The following CNTNAP5 variants were observed in gnomAD, a reference collection of about 807,000 sequenced individuals.
The protein encoded by CNTNAP5 is contactin associated protein family member 5.
Under a neutral mutation model 150.2 loss-of-function variants are expected in CNTNAP5, and 72 were observed. The observed-to-expected ratio is 0.48, with a 90% confidence interval of 0.40 to 0.58. The LOEUF is 0.58. Among genes scored for constraint, CNTNAP5 ranks in the 20% least tolerant of loss-of-function variants. The pLI, the probability that CNTNAP5 is intolerant of heterozygous loss-of-function variation, is 0.00. For synonymous variants in CNTNAP5, 672 were observed against 619.8 expected (o/e 1.08, Z -1.25); for missense variants, 1,636 against 1,626.2 (o/e 1.01, Z -0.10).
intron 3 of CNTNAP5, among the ~76,000 whole-genome samples, chr2:124,393,136 A>G (rs893515894): frequency 3.9e-5 from 6 of 152,172 alleles, no homozygotes; most frequent in East Asian, 1.9e-4. Context: ...TTAGATTTGA[A>G]TCCCTGCCAA....
At chr2:124,415,775 C>T (rs186577461) in intron 3 of CNTNAP5, among the ~76,000 whole-genome samples, 28 of 152,186 alleles carry the variant, frequency 1.8e-4, no homozygotes, top group African/African-American at 4.1e-4. Context: ...GATGGTTATA[C>T]GACAACGTGA....
intron 19 of CNTNAP5, among the ~76,000 whole-genome samples, chr2:124,864,717 G>T (rs1297821731): frequency 6.6e-6 from 1 of 152,088 alleles, no homozygotes; most frequent in Non-Finnish European, 1.5e-5. Context: ...AACCAACAAG[G>T]AATAGCTAAC....
chr2:124,265,851 G>A (rs995510300), intron 3 of CNTNAP5, among the ~76,000 whole-genome samples: 1 of 151,614 alleles, frequency 6.6e-6, no homozygotes, highest in Non-Finnish European at 1.5e-5. Flanking sequence ...AAAAAACAGA[G>A]TCAGTCAGGT....
Position 124,817,144 on chromosome 2 carries a change from GA to G in CNTNAP5, c.3217+18831del, listed in dbSNP as rs537380636. Among the ~76,000 whole-genome samples, 30 of 152,118 alleles carry G rather than the reference GA, an allele frequency of 2.0e-4. No individual in the cohort carries two copies. The East Asian group carries it at 5.4e-3, about 27-fold the overall frequency. On this transcript the variant is annotated intron_variant, in intron 19 of 23. Coordinates refer to ENST00000682447, the MANE Select transcript of CNTNAP5 (RefSeq NM_001367498.1). Reference sequence around the variant, plus strand: ...TGATAAATCTCACAAAGTTAATGTTGAAAAAAACAGACTTAAGAAAGGCACA... The same window carrying G: ...TGATAAATCTCACAAAGTTAATGTTGAAAAAACAGACTTAAGAAAGGCACA...
intron 1 of CNTNAP5, among the ~76,000 whole-genome samples, chr2:124,124,010 A>C (rs1381370577): frequency 6.6e-6 from 1 of 152,210 alleles, no homozygotes; most frequent in Non-Finnish European, 1.5e-5. Context: ...CCTCCTCCAA[A>C]GTAATGCAAC....
At chr2:124,534,209 T>C (rs1023516040) in intron 10 of CNTNAP5, among the ~76,000 whole-genome samples, 7 of 152,104 alleles carry the variant, frequency 4.6e-5, no homozygotes, top group Admixed American at 3.9e-4. Context: ...TTAATGGGTT[T>C]GTTTTGGATA....
intron 21 of CNTNAP5, among the ~76,000 whole-genome samples, chr2:124,897,333 C>A (rs1183793448): frequency 4.0e-5 from 6 of 151,512 alleles, no homozygotes; most frequent in African/African-American, 1.5e-4. Context: ...TGCCTGAAAT[C>A]TTTGCTGGTC....
chr2:124,056,469 AAAAAAAAAG>A (rs1053423898), intron 1 of CNTNAP5, among the ~76,000 whole-genome samples: 6 of 200 alleles, frequency 0.03, no homozygotes, highest in Non-Finnish European at 0.25. Context: ...CTAAAAATAC[AAAAAAAAAG>A]AAAAAAAGAA....
At chr2:124,600,189 G>GT (rs35297517) in intron 11 of CNTNAP5, among the ~76,000 whole-genome samples, 58,463 of 150,404 alleles carry the variant, frequency 0.39, 12,449 homozygotes, top group Non-Finnish European at 0.49. Context: ...ATAGTAAATG[G>GT]TTTTTTTTTT....
chr2:124,120,166 G>A (rs573558783), intron 1 of CNTNAP5, among the ~76,000 whole-genome samples: 1 of 152,286 alleles, frequency 6.6e-6, no homozygotes, highest in African/African-American at 2.4e-5. Flanking sequence ...ACGGTATAGG[G>A]CTGGAAGTTA....
chr2:124,736,819 A>G (rs930292920), intron 13 of CNTNAP5, among the ~76,000 whole-genome samples: 1 of 152,148 alleles, frequency 6.6e-6, no homozygotes, highest in African/African-American at 2.4e-5. Flanking sequence ...GCATTTGGTC[A>G]TTTGTTCATT....
chr2:124,884,210 G>A (rs1022760963), intron 21 of CNTNAP5, among the ~76,000 whole-genome samples: 2 of 151,906 alleles, frequency 1.3e-5, no homozygotes, highest in Non-Finnish European at 2.9e-5. Context: ...ATGTATGTCA[G>A]TGTTTTGCAT....
intron 13 of CNTNAP5, among the ~76,000 whole-genome samples, chr2:124,690,494 T>C (rs1679279038): frequency 1.3e-5 from 2 of 152,166 alleles, no homozygotes; most frequent in Admixed American, 6.6e-5. Flanking sequence ...TTTCCAGTTC[T>C]TTGTTTCACC....
At chr2:124,264,984 G>A (rs572957562) in intron 3 of CNTNAP5, among the ~76,000 whole-genome samples, 1 of 152,314 alleles carries the variant, frequency 6.6e-6, no homozygotes, top group Admixed American at 6.5e-5. Context: ...TGAAGCGTCA[G>A]TAACACAGAC....
chr2:124,083,366 A>T (rs990617667), intron 1 of CNTNAP5, among the ~76,000 whole-genome samples: 1 of 152,150 alleles, frequency 6.6e-6, no homozygotes, highest in Non-Finnish European at 1.5e-5. Flanking sequence ...CTCAAAAAAT[A>T]AATAAATAAA....
chr2:124,201,078 T>C (rs2104709442), intron 1 of CNTNAP5, among the ~76,000 whole-genome samples: 1 of 152,302 alleles, frequency 6.6e-6, no homozygotes, highest in Non-Finnish European at 1.5e-5. Context: ...TGCTAAGAGT[T>C]GAAGAGCAGG....
intron 1 of CNTNAP5, among the ~76,000 whole-genome samples, chr2:124,087,811 G>C (rs1682727972): frequency 6.8e-6 from 1 of 147,636 alleles, no homozygotes; most frequent in Non-Finnish European, 1.5e-5. Context: ...GAAACCTATT[G>C]TCACTTGATT....
chr2:124,437,186 G>A (rs1189455765), intron 5 of CNTNAP5, among the ~76,000 whole-genome samples: 1 of 152,138 alleles, frequency 6.6e-6, no homozygotes, highest in African/African-American at 2.4e-5. Flanking sequence ...AGGTACTTGA[G>A]GCAGATTGAG....
At chr2:124,187,127 A>C (rs1685352033) in intron 1 of CNTNAP5, among the ~76,000 whole-genome samples, 1 of 152,188 alleles carries the variant, frequency 6.6e-6, no homozygotes, top group Admixed American at 6.5e-5. Flanking sequence ...CAGTTCTTCA[A>C]ATGCAATAGA....
Sources: allele counts gnomAD v4.1 joint callset (sites outside exome capture counted in the v4.1 genomes callset), GRCh38; gene constraint gnomAD v4.1.1; transcripts MANE v1.5; gene names NCBI Gene and HGNC (gene_info 2026-07-23, HGNC 2026-07-21).